The following SNX27 variants were observed in gnomAD, a reference collection of about 807,000 sequenced individuals.
SNX27 encodes sorting nexin-27.
A neutral mutation model predicts 71.6 loss-of-function variants in SNX27; 22 were observed. The observed-to-expected ratio is 0.31, with a 90% CI of 0.22 to 0.44. The LOEUF is 0.44. Ranked by LOEUF, SNX27 falls within the 20% of genes least tolerant of loss-of-function variation. SNX27 has a pLI of 1.00. For synonymous variants in SNX27, 269 were observed against 277.2 expected, an observed-to-expected ratio of 0.97 and a Z score of 0.29; for missense variants, 531 against 698.6, an observed-to-expected ratio of 0.76 and a Z score of 2.70.
At chr1:151,653,216 G>A (rs1291721903) in intron 2 of SNX27, among the ~76,000 whole-genome samples, 2 of 152,066 alleles carry the variant, frequency 1.3e-5, no homozygotes, top group African/African-American at 2.4e-5. Flanking sequence ...GTGAGCCACC[G>A]CACCCAGCCT....
intron 2 of SNX27, 88 bp from the exon 3 acceptor site, chr1:151,658,147 C>CT: frequency 8.1e-7 from 1 of 1,241,246 alleles, no homozygotes; most frequent in Non-Finnish European, 1.1e-6. Context: ...CAGAATGCAT[C>CT]TAACCAATAT....
At chr1:151,692,010 C>T (rs970583727) in intron 8 of SNX27, among the ~76,000 whole-genome samples, 2 of 151,910 alleles carry the variant, frequency 1.3e-5, no homozygotes, top group South Asian at 2.1e-4. Flanking sequence ...GACCAGCGTG[C>T]GTAACATAGG....
chr1:151,626,433 A>C (rs1417486925), intron 1 of SNX27, among the ~76,000 whole-genome samples: 1 of 152,186 alleles, frequency 6.6e-6, no homozygotes, highest in Non-Finnish European at 1.5e-5. Context: ...CATTAAAAGA[A>C]TGTTTTATGA....
intron 7 of SNX27, among the ~76,000 whole-genome samples, chr1:151,681,331 T>C (rs1415741502): frequency 7.0e-6 from 1 of 143,796 alleles, no homozygotes; most frequent in Non-Finnish European, 1.5e-5. Context: ...AAGTTCCGCC[T>C]CCTGGGTTCA....
At chr1:151,655,886 A>G (rs556829900) in intron 2 of SNX27, among the ~76,000 whole-genome samples, 2 of 152,198 alleles carry the variant, frequency 1.3e-5, no homozygotes, top group Non-Finnish European at 2.9e-5. Context: ...TATATAGAGG[A>G]ATAAGTTCCA....
Position 151,648,047 on chromosome 1 carries a change from TTTTTTGTTTTTTG to T in SNX27, c.543+8942_543+8954del, listed in dbSNP as rs1276850537. On this transcript the variant is annotated intron_variant, in intron 2 of 11. Transcript: ENST00000458013. ...CTTTTAAAGAGTCGGGGTTTTTTTG[TTTTTTGTTTTTTG>T]TTTTTGTTTTTTGAGGTGGAGTCTC... Among the ~76,000 whole-genome samples, 3 of 151,822 alleles carry T rather than the reference TTTTTTGTTTTTTG, an allele frequency of 2.0e-5. No individual in the cohort carries two copies. The East Asian group carries it at 5.8e-4, about 29-fold the overall frequency.
intron 3 of SNX27, among the ~76,000 whole-genome samples, chr1:151,658,693 C>CT (rs200781731): frequency 6.7e-5 from 10 of 149,108 alleles, no homozygotes; most frequent in East Asian, 2.0e-4. Flanking sequence ...GCCTAATGGA[C>CT]TTTTTTTTTT....
chr1:151,629,458 T>TACATATATAC (rs201678136), intron 1 of SNX27: 1 of 106,190 alleles, frequency 9.4e-6, no homozygotes, highest in Non-Finnish European at 2.0e-5. Context: ...CATGTATATA[T>TACATATATAC]ACGTATATAT....
chr1:151,683,524 G>A, intron 8 of SNX27, 79 bp downstream of exon 8: 1 of 1,094,640 alleles, frequency 9.1e-7, no homozygotes, highest in Non-Finnish European at 1.3e-6. Context: ...ATTTTTGAAA[G>A]GATTACAACC....
chr1:151,672,567 G>C (rs1033779875), intron 7 of SNX27, among the ~76,000 whole-genome samples: 4 of 152,102 alleles, frequency 2.6e-5, no homozygotes, highest in African/African-American at 9.6e-5. Flanking sequence ...GCCTAGAATT[G>C]GTATTAATTC....
intron 8 of SNX27, among the ~76,000 whole-genome samples, chr1:151,685,052 G>A (rs1208344662): frequency 3.9e-5 from 6 of 152,058 alleles, no homozygotes; most frequent in Non-Finnish European, 5.9e-5. Flanking sequence ...TGAGTGAACC[G>A]CTTGCCTCAG....
chr1:151,697,973 C>T lies in SNX27; in HGVS notation c.*3556C>T, dbSNP rs1317757209. ...AGAAACCTGTCCCTGCAGAAAGGTT[C>T]CCTTGGGCCATGCTTTGGGCCCTCT... On this transcript the variant is annotated 3_prime_UTR_variant, in exon 12 of 12. Transcript: ENST00000458013. The T allele has an allele frequency of 6.6e-6, 1 of 152,160 alleles. No homozygotes were observed. The highest frequency in any genetic ancestry group is 1.5e-5 in the Non-Finnish European group (1 of 68,048). The allele number at this position is 152,160 out of a possible 1,614,324, so 9.4% of individuals were successfully genotyped here.
At chr1:151,659,147 T>C (rs897793433) in intron 3 of SNX27, among the ~76,000 whole-genome samples, 1 of 152,230 alleles carries the variant, frequency 6.6e-6, no homozygotes, top group Non-Finnish European at 1.5e-5. Context: ...TTACAGGTAT[T>C]CATAGATAGG....
chr1:151,674,296 A>G (rs1670569293), intron 7 of SNX27, among the ~76,000 whole-genome samples: 2 of 152,194 alleles, frequency 1.3e-5, no homozygotes, highest in African/African-American at 4.8e-5. Context: ...CACTGTTTGC[A>G]TAAACAAACA....
intron 1 of SNX27, among the ~76,000 whole-genome samples, chr1:151,635,838 T>C (rs1176769657): frequency 6.6e-6 from 1 of 152,180 alleles, no homozygotes; most frequent in Non-Finnish European, 1.5e-5. Context: ...TTGGTCTTAC[T>C]AATAAAGAAG....
At chr1:151,629,452 TATATATAC>T (rs1668096942) in intron 1 of SNX27, 2 of 75,322 alleles carry the variant, frequency 2.7e-5, no homozygotes, top group Non-Finnish European at 5.8e-5. Context: ...TATACACATG[TATATATAC>T]GTATATATAC....
chr1:151,672,084 T>C (rs1670473053), intron 7 of SNX27, among the ~76,000 whole-genome samples: 2 of 152,210 alleles, frequency 1.3e-5, no homozygotes, highest in Admixed American at 6.5e-5. Context: ...TTCCAGATCT[T>C]AGAGGAAAGA....
chr1:151,625,985 C>T (rs1049385655), intron 1 of SNX27, among the ~76,000 whole-genome samples: 8 of 151,664 alleles, frequency 5.3e-5, no homozygotes, highest in South Asian at 2.1e-4. Flanking sequence ...AAGATTGGGC[C>T]GGGCGCAATG....
At chr1:151,674,951 G>T (rs184378444) in intron 7 of SNX27, among the ~76,000 whole-genome samples, 1 of 152,216 alleles carries the variant, frequency 6.6e-6, no homozygotes. Context: ...CTCCCAAAGT[G>T]CTGGGATTAC....
Sources: allele counts gnomAD v4.1 joint callset (sites outside exome capture counted in the v4.1 genomes callset), GRCh38; gene constraint gnomAD v4.1.1; transcripts MANE v1.5; gene names NCBI Gene and HGNC (gene_info 2026-07-23, HGNC 2026-07-21).